C10orf71: variants seen among roughly 807,000 people sequenced by gnomAD.
The protein encoded by C10orf71 is chromosome 10 open reading frame 71.
For missense variants in C10orf71, 1,869 were observed against 1,804.5 expected (o/e 1.04, Z -0.65); for synonymous variants, 758 against 726.3 (o/e 1.04, Z -0.70).
chr10:49,319,584 T>C (rs1404824823), intron 2 of C10orf71, among the ~76,000 whole-genome samples: 1 of 151,588 alleles, frequency 6.6e-6, no homozygotes, highest in African/African-American at 2.4e-5. Flanking sequence ...TGTGGCAACA[T>C]TTTTCACAAT....
At chr10:49,314,093 G>A (rs1273907021) in intron 1 of C10orf71, among the ~76,000 whole-genome samples, 6 of 152,162 alleles carry the variant, frequency 3.9e-5, no homozygotes, top group East Asian at 1.9e-4. Context: ...CAATGGCCAC[G>A]AGTCTAGATT....
chr10:49,325,631 C>G lies in C10orf71; in HGVS notation c.3086C>G (p.Pro1029Arg), dbSNP rs371013291. The change falls in exon 3 of 3, where the codon CCA becomes CGA. Residue 1029 changes from proline (P) to arginine (R), a missense_variant. Coordinates refer to ENST00000374144, the MANE Select transcript of C10orf71 (RefSeq NM_001135196.2). ...GAAAACTGTTGGGAAGAGCAAACAC[C>G]AGGTTTCAAGAGTCACTTTTTGTCC... ...QPENCWEEQT[P>R]GFKSHFLSTP... The G allele has an allele frequency of 2.6e-6, 4 of 1,552,018 alleles. No homozygotes were observed. The South Asian group carries it at 3.6e-5, about 14-fold the overall frequency.
Position 49,325,315 on chromosome 10 carries a change from G to A in C10orf71, c.2770G>A (p.Gly924Ser), listed in dbSNP as rs1590342510. ...LGTSTPTNTRGTRVKCMANEV... is the reference protein window; with the variant it reads ...LGTSTPTNTRSTRVKCMANEV... ...TACATCGACACCCACTAACACACGGGGCACACGTGTGAAGTGCATGGCCAA... is the reference window on the plus strand; with the variant it reads ...TACATCGACACCCACTAACACACGGAGCACACGTGTGAAGTGCATGGCCAA... Residue 924 changes from glycine (G) to serine (S), a missense_variant, in exon 3 of 3, where the codon GGC becomes AGC. By Grantham distance (56) the Gly-to-Ser change is moderately conservative (BLOSUM62 0). Transcript: ENST00000374144. The A allele has an allele frequency of 1.9e-6, 3 of 1,551,712 alleles. No homozygotes were observed. Among genetic ancestry groups the A allele is most frequent in the Non-Finnish European group, 2.6e-6 (3 of 1,147,014 alleles).
At chr10:49,320,376 C>A (rs926476168) in intron 2 of C10orf71, among the ~76,000 whole-genome samples, 1 of 152,172 alleles carries the variant, frequency 6.6e-6, no homozygotes, top group African/African-American at 2.4e-5. Flanking sequence ...CTGGCCACCC[C>A]CACAGGCTGG....
At position 49,322,378 on chromosome 10, in the gene C10orf71, G is replaced by A. The variant is rs749370992; in HGVS notation, c.-144-24G>A. ...GTGTAGAGCTGTATACTTTGTTCAC[G>A]CCCTGCACCTTTTTCTTTTGCAGAG... On this transcript the variant is annotated intron_variant, in intron 2 of 2. Coordinates refer to ENST00000374144, the MANE Select transcript of C10orf71 (RefSeq NM_001135196.2). 1,236 of 707,368 alleles carry A rather than the reference G, an allele frequency of 1.7e-3. 3 individuals are homozygous for A. The highest frequency in any genetic ancestry group is 5.0e-3 in the Middle Eastern group (12 of 2,380). 43.8% of individuals were successfully genotyped at this position (707,368 alleles called of 1,614,324 possible). A position where few individuals can be genotyped will look rare whatever the true frequency, so the allele number is the denominator to read the frequency against.
upstream of C10orf71, chr10:49,298,680 G>GGACGCTTACCAAGTC (rs1848675054): frequency 6.6e-6 from 1 of 152,194 alleles, no homozygotes; most frequent in Non-Finnish European, 1.5e-5. Flanking sequence ...CTTACCAAGT[G>GGACGCTTACCAAGTC]GACACTTACC....
At position 49,326,456 on chromosome 10, in the gene C10orf71, C is replaced by T. The variant is rs996917025; in HGVS notation, c.3911C>T (p.Thr1304Met). 2.6e-6 allele frequency: 4 copies of T among 1,550,072 alleles called. No homozygotes were observed. Among genetic ancestry groups the T allele is most frequent in the East Asian group, 4.9e-5 (2 of 40,912 alleles). Residue 1304 changes from threonine (T) to methionine (M), a missense_variant, in exon 3 of 3, where the codon ACG becomes ATG. Transcript: ENST00000374144. The part of the protein sequence containing the change: ...VKIKTFYDPE[T>M]GKYVKVSIPS... Reference sequence around the variant, plus strand: ...ATCAAGACCTTCTATGACCCAGAGACGGGCAAGTATGTCAAGGTCTCCATC... The same window carrying T: ...ATCAAGACCTTCTATGACCCAGAGATGGGCAAGTATGTCAAGGTCTCCATC...
Position 49,326,834 on chromosome 10 carries a change from C to T in C10orf71, c.4289C>T (p.Ala1430Val). 1 of 1,539,952 alleles carries T rather than the reference C, an allele frequency of 6.5e-7. No homozygotes were observed. The change falls in exon 3 of 3, where the codon GCC becomes GTC. Residue 1430 changes from alanine (A) to valine (V), a missense_variant. Ala to Val is a moderately conservative substitution (Grantham distance 64). Coordinates refer to ENST00000374144, the MANE Select transcript of C10orf71 (RefSeq NM_001135196.2). ...TCCACTGATGACCTAGAGGACTTTG[C>T]CACAGAAGGCATTTCTTGAGTTACT... is the stretch of plus-strand genomic sequence containing the variant. ...IISTDDLEDF[A>V]TEGIS
In C10orf71 at chr10:49,323,951, C is replaced by T. The variant is rs758980501; in HGVS notation, c.1406C>T (p.Pro469Leu). The change falls in exon 3 of 3, where the codon CCA becomes CTA. Residue 469 changes from proline (P) to leucine (L), a missense_variant. Pro to Leu is a moderately conservative substitution (Grantham distance 98, BLOSUM62 -3). Transcript: ENST00000374144. ...GACAGCCAGCCAGCAGAGCGAACCCCATCACCCCCAGGACAGCTAAACGGA... is the reference window on the plus strand; with the variant it reads ...GACAGCCAGCCAGCAGAGCGAACCCTATCACCCCCAGGACAGCTAAACGGA... Reference protein sequence around the residue: ...SADSQPAERTPSPPGQLNGYQ... With the variant: ...SADSQPAERTLSPPGQLNGYQ... The T allele has an allele frequency of 4.3e-6, 7 of 1,613,860 alleles. No individual in the cohort carries two copies. Among genetic ancestry groups the T allele is most frequent in the South Asian group, 2.2e-5 (2 of 91,054 alleles).
At chr10:49,319,253 A>T (rs1849049925) in intron 2 of C10orf71, among the ~76,000 whole-genome samples, 1 of 152,186 alleles carries the variant, frequency 6.6e-6, no homozygotes, top group African/African-American at 2.4e-5. Flanking sequence ...GGAAGCCGTA[A>T]GTATTCCAGA....
At chr10:49,314,193 GA>G (rs1383232073) in intron 1 of C10orf71, among the ~76,000 whole-genome samples, 1 of 152,294 alleles carries the variant, frequency 6.6e-6, no homozygotes, top group East Asian at 1.9e-4. Flanking sequence ...AAGGCCGAGT[GA>G]AATGGGTAAA....
chr10:49,322,120 A>T (rs1849103452), intron 2 of C10orf71, among the ~76,000 whole-genome samples: 1 of 152,172 alleles, frequency 6.6e-6, no homozygotes, highest in Non-Finnish European at 1.5e-5. Context: ...TTGCGAACTC[A>T]GTCTTTTTAC....
chr10:49,305,677 T>TG (rs1848800307), intron 1 of C10orf71, among the ~76,000 whole-genome samples: 2 of 152,036 alleles, frequency 1.3e-5, no homozygotes, highest in Admixed American at 1.3e-4. Flanking sequence ...CACCAGCGGG[T>TG]GGGGTCTCCT....
chr10:49,314,054 G>A (rs1217046606), intron 1 of C10orf71, among the ~76,000 whole-genome samples: 1 of 152,146 alleles, frequency 6.6e-6, no homozygotes, highest in African/African-American at 2.4e-5. Context: ...GAGAAGGAAA[G>A]GTCAAAGTGA....
At position 49,325,819 on chromosome 10, in the gene C10orf71, G is replaced by A. The variant is rs779665299; in HGVS notation, c.3274G>A (p.Glu1092Lys). The A allele has an allele frequency of 2.6e-6, 4 of 1,551,344 alleles. No homozygotes were observed. The Admixed American group carries it at 5.9e-5, about 23-fold the overall frequency. The change falls in exon 3 of 3, where the codon GAG becomes AAG. Residue 1092 changes from glutamate (E) to lysine (K), a missense_variant. Glu to Lys is a moderately conservative substitution (Grantham distance 56, BLOSUM62 1). Coordinates refer to ENST00000374144, the MANE Select transcript of C10orf71 (RefSeq NM_001135196.2). ...APGGPELLPE[E>K]PNQASPWASS... is the part of the protein sequence containing the mutation. ...TGGAGGACCAGAGCTGCTTCCCGAG[G>A]AGCCTAATCAAGCCAGCCCCTGGGC...
At chr10:49,301,967 CAGTT>C (rs779567067) in intron 1 of C10orf71, among the ~76,000 whole-genome samples, 44 of 152,172 alleles carry the variant, frequency 2.9e-4, no homozygotes, top group Admixed American at 6.5e-5. Flanking sequence ...TCCCTTGCCT[CAGTT>C]AGTCCCTTCT....
intron 1 of C10orf71, among the ~76,000 whole-genome samples, chr10:49,312,942 A>G (rs2132414580): frequency 6.6e-6 from 1 of 152,358 alleles, no homozygotes; most frequent in South Asian, 2.1e-4. Context: ...TAAGCCTGTC[A>G]AAAGTGTGAG....
rs1266744898 is a variant in C10orf71 at position 49,324,024 on chromosome 10, G to T, written c.1479G>T (p.Lys493Asn). Reference sequence around the variant, plus strand: ...AATGTCAGTCTCGAGACAGCTACAAGTCCAAAGCCCCTAGCCTGCTGTTCA... The same window carrying T: ...AATGTCAGTCTCGAGACAGCTACAATTCCAAAGCCCCTAGCCTGCTGTTCA... ...PSECQSRDSY[K>N]SKAPSLLFNL... The change falls in exon 3 of 3, where the codon AAG becomes AAT. Residue 493 changes from lysine to asparagine, a missense_variant. Transcript: ENST00000374144. 6.2e-7 allele frequency: 1 copy of T among 1,613,604 alleles called. No homozygotes were observed. The highest frequency in any genetic ancestry group is 1.1e-5 in the South Asian group (1 of 91,002).
intron 1 of C10orf71, among the ~76,000 whole-genome samples, chr10:49,304,451 C>G (rs1302195507): frequency 1.3e-5 from 2 of 152,210 alleles, no homozygotes; most frequent in Non-Finnish European, 1.5e-5. Context: ...GAGTGAGGGA[C>G]AGGTTGCAGG....
Sources: gnomAD v4.1 joint callset for allele counts (sites outside exome capture counted in the v4.1 genomes callset) on GRCh38, gnomAD v4.1.1 for gene constraint, MANE v1.5 for transcripts, NCBI Gene and HGNC (gene_info 2026-07-23, HGNC 2026-07-21) for gene names.